Variants in ADCY1 observed in about 807,000 individuals in gnomAD.
ADCY1 encodes the protein adenylate cyclase type 1.
Under a neutral mutation model 105.4 loss-of-function variants are expected in ADCY1, and 28 were observed. That is an observed-to-expected ratio of 0.27 (90% CI 0.20 to 0.36). The LOEUF (loss-of-function observed/expected upper bound fraction) is 0.36, where lower values mean the gene tolerates loss of function less well. Ranked by LOEUF, ADCY1 falls within the 10% of genes least tolerant of loss-of-function variation. The pLI is 1.00. For synonymous variants in ADCY1, 655 were observed against 623.8 expected, an observed-to-expected ratio of 1.05 and a Z score of -0.75; for missense variants, 977 against 1,434.2, an observed-to-expected ratio of 0.68 and a Z score of 5.15.
rs761761091 is a variant in ADCY1, at chr7:45,610,399, C to G, written c.810C>G (p.Leu270=). The change falls in exon 3 of 20, where the codon CTC becomes CTG. Residue 270 remains leucine, a synonymous_variant. Transcript: ENST00000297323. Reference sequence around the variant, plus strand: ...TCCAGGAGCGGCTCCTCATGAGCCTCCTGCCCCGGAACGTTGCCATGGAGA... The same window carrying G: ...TCCAGGAGCGGCTCCTCATGAGCCTGCTGCCCCGGAACGTTGCCATGGAGA... ...NEKQERLLMS[L]LPRNVAMEMK... is the part of the protein sequence containing the mutation. The G allele has an allele frequency of 6.2e-7, 1 of 1,613,826 alleles. No individual in the cohort carries two copies. The highest frequency in any genetic ancestry group is 2.2e-5 in the East Asian group (1 of 44,850).
chr7:45,711,644 T>TATATATATATATACAC (rs1189707139), intron 19 of ADCY1, among the ~76,000 whole-genome samples: 89 of 51,290 alleles, frequency 1.7e-3, no homozygotes, highest in Admixed American at 3.5e-3. Context: ...TATATATATA[T>TATATATATATATACAC]ACACACACAC....
chr7:45,694,128 A>AC (rs1404931446), intron 14 of ADCY1, among the ~76,000 whole-genome samples: 24 of 151,088 alleles, frequency 1.6e-4, no homozygotes, highest in Admixed American at 3.3e-4. Flanking sequence ...AAAAAAAAAA[A>AC]AAAAAAAAAC....
At position 45,647,007 on chromosome 7, in the gene ADCY1, A is replaced by G. The variant is rs1794681293; in HGVS notation, c.1021-1663A>G. Among the ~76,000 whole-genome samples the G allele has an allele frequency of 6.6e-6, 1 of 152,182 alleles. No individual in the cohort carries two copies. The highest frequency in any genetic ancestry group is 1.5e-5 in the Non-Finnish European group (1 of 68,030). The stretch of plus-strand genomic sequence containing the variant: ...CACCTCCTCCCCTTTTCTCCCGTCC[A>G]TGGTCTTGGAGTGCTGAGGGAGGCT... On this transcript the variant is annotated intron_variant, in intron 4 of 19. Transcript: ENST00000297323. This position sits in a 1 kb window ranked among gnomAD's most constrained non-coding sequence, Gnocchi z 4.6.
Position 45,574,929 on chromosome 7 carries a change from T to C in ADCY1, c.386T>C (p.Phe129Ser). 1.9e-6 allele frequency: 3 copies of C among 1,612,040 alleles called. No homozygotes were observed. The highest frequency in any genetic ancestry group is 2.5e-6 in the Non-Finnish European group (3 of 1,179,756). ...LQQVGQLALLFSLTFALLCCP... is the reference protein window; with the variant it reads ...LQQVGQLALLSSLTFALLCCP... ...CAGGTCGGCCAGCTGGCGCTGCTCT[T>C]CAGCCTCACCTTCGCGCTGCTCTGC... The change falls in exon 1 of 20, where the codon TTC becomes TCC. Residue 129 changes from phenylalanine to serine, a missense_variant. By Grantham distance (155) the Phe-to-Ser change is radical (BLOSUM62 -2). This residue lies in a region of ADCY1 where 209 missense variants were observed against 222.5 expected (regional missense o/e 0.94). Transcript: ENST00000297323. The surrounding 1 kb of genome is among the most constrained non-coding windows in gnomAD (Gnocchi z 7.0).
Position 45,716,224 on chromosome 7 carries a change from A to C in ADCY1, c.*2229A>C, listed in dbSNP as rs557441764. ...TCCACAGGACCTAATGTTTATGTGG[A>C]ATCTCCAGGCTGCCATCGAGGGCTC... On this transcript the variant is annotated 3_prime_UTR_variant, in exon 20 of 20. Coordinates refer to ENST00000297323, the MANE Select transcript of ADCY1 (RefSeq NM_021116.4). 43 of 152,364 alleles carry C rather than the reference A, an allele frequency of 2.8e-4. No homozygotes were observed. The highest frequency in any genetic ancestry group is 1.0e-3 in the African/African-American group (43 of 41,512). 9.4% of individuals were successfully genotyped at this position (152,364 alleles called of 1,614,324 possible). A position where few individuals can be genotyped will look rare whatever the true frequency, so the allele number is the denominator to read the frequency against.
At chr7:45,579,730 G>A (rs904140747) in intron 1 of ADCY1, among the ~76,000 whole-genome samples, 2 of 152,152 alleles carry the variant, frequency 1.3e-5, no homozygotes, top group Non-Finnish European at 2.9e-5. Context: ...GTGGCCTGGC[G>A]ACCTGAAGGT....
At chr7:45,671,443 A>T (rs912009950) in intron 8 of ADCY1, among the ~76,000 whole-genome samples, 19 of 152,212 alleles carry the variant, frequency 1.2e-4, no homozygotes, top group African/African-American at 4.6e-4. Flanking sequence ...TCTAGGATAG[A>T]TGCCCAGATG....
At chr7:45,610,897 T>C (rs373029366) in intron 3 of ADCY1, among the ~76,000 whole-genome samples, 74 of 2,920 alleles carry the variant, frequency 0.025, no homozygotes, top group Middle Eastern at 0.25. Context: ...ATGGTGGAGG[T>C]GGGGAGGTGA....
At chr7:45,707,437 T>C (rs1213011692) in intron 17 of ADCY1, among the ~76,000 whole-genome samples, 1 of 152,194 alleles carries the variant, frequency 6.6e-6, no homozygotes, top group Admixed American at 6.5e-5. Flanking sequence ...AAAGGTTACA[T>C]ACTGTATGAT....
At position 45,703,757 on chromosome 7, in the gene ADCY1, G is replaced by A. The variant is rs774058921; in HGVS notation, c.2718+11G>A. Reference sequence around the variant, plus strand: ...GCCGACTTTGACGAGGTGAGGCTGTGCGTCGCCATCCTGACCCCGCCTGGT... The same window carrying A: ...GCCGACTTTGACGAGGTGAGGCTGTACGTCGCCATCCTGACCCCGCCTGGT... On this transcript the variant is annotated intron_variant, in intron 16 of 19. Coordinates refer to ENST00000297323, the MANE Select transcript of ADCY1 (RefSeq NM_021116.4). This position sits in a 1 kb window ranked among gnomAD's most constrained non-coding sequence, Gnocchi z 5.9. The A allele has an allele frequency of 6.4e-7, 1 of 1,563,158 alleles. No homozygotes were observed. Among genetic ancestry groups the A allele is most frequent in the South Asian group, 1.2e-5 (1 of 81,952 alleles).
intron 1 of ADCY1, among the ~76,000 whole-genome samples, chr7:45,589,174 C>G (rs2115757903): frequency 6.6e-6 from 1 of 152,274 alleles, no homozygotes; most frequent in East Asian, 1.9e-4. Flanking sequence ...CGCTCGCAGC[C>G]CAGCACAGCC....
intron 14 of ADCY1, among the ~76,000 whole-genome samples, chr7:45,696,809 C>T (rs1250768176): frequency 2.0e-5 from 3 of 152,146 alleles, no homozygotes; most frequent in Non-Finnish European, 4.4e-5. Context: ...TTGCTTTCTG[C>T]CCACGGAGTG....
intron 1 of ADCY1, among the ~76,000 whole-genome samples, chr7:45,579,884 C>A (rs1412820913): frequency 1.3e-5 from 2 of 152,130 alleles, no homozygotes; most frequent in Non-Finnish European, 2.9e-5. Flanking sequence ...TGCCCCCAGG[C>A]CTGTGTTTAG....
At chr7:45,598,008 G>C (rs1326746181) in intron 2 of ADCY1, among the ~76,000 whole-genome samples, 1 of 152,206 alleles carries the variant, frequency 6.6e-6, no homozygotes, top group Non-Finnish European at 1.5e-5. Context: ...CTGGGCCCCT[G>C]CCCTTCATCT....
intron 1 of ADCY1, among the ~76,000 whole-genome samples, chr7:45,579,420 C>G (rs549066278): frequency 3.6e-4 from 55 of 152,116 alleles, no homozygotes; most frequent in Non-Finnish European, 6.9e-4. Flanking sequence ...CAGCCCCTCC[C>G]GCTGCTGGTC....
At chr7:45,581,411 A>G (rs1019244064) in intron 1 of ADCY1, among the ~76,000 whole-genome samples, 1 of 152,212 alleles carries the variant, frequency 6.6e-6, no homozygotes, top group Non-Finnish European at 1.5e-5. Context: ...AGACTCCCAG[A>G]ATGCAGGTGG....
In ADCY1 at chr7:45,648,913, T is replaced by C. The variant is rs577535651; in HGVS notation, c.1148+116T>C. ...CCCCTCTCAGGGTCTCGCTTTGTCC[T>C]GATGGGTCTGTCTGAGGCTGCAGAG... On this transcript the variant is annotated intron_variant, in intron 5 of 19. Coordinates refer to ENST00000297323, the MANE Select transcript of ADCY1 (RefSeq NM_021116.4). 31 of 1,284,178 alleles carry C rather than the reference T, an allele frequency of 2.4e-5. No homozygotes were observed. In the East Asian group the frequency reaches 7.4e-4, roughly 31 times the overall value. The allele number at this position is 1,284,178 out of a possible 1,614,324, so 79.5% of individuals were successfully genotyped here. A position where few individuals can be genotyped will look rare whatever the true frequency, so the allele number is the denominator to read the frequency against.
chr7:45,624,024 G>A (rs1449482948), intron 4 of ADCY1, among the ~76,000 whole-genome samples: 5 of 152,220 alleles, frequency 3.3e-5, no homozygotes, highest in Admixed American at 3.3e-4. Context: ...TGAGAGGAAG[G>A]GGCAGTGAGC....
At chr7:45,654,770 C>G (rs1363500926) in intron 5 of ADCY1, among the ~76,000 whole-genome samples, 1 of 152,208 alleles carries the variant, frequency 6.6e-6, no homozygotes, top group African/African-American at 2.4e-5. Flanking sequence ...TCTACAACCA[C>G]CACACGTGGT....
Sources: gnomAD v4.1 joint callset for allele counts (sites outside exome capture counted in the v4.1 genomes callset) on GRCh38, gnomAD v4.1.1 for gene constraint, gnomAD v4.1.1 regional missense constraint, Gnocchi (gnomAD v3.1) non-coding constraint, MANE v1.5 for transcripts, NCBI Gene and HGNC (gene_info 2026-07-23, HGNC 2026-07-21) for gene names.